NME7: variants seen among roughly 807,000 people sequenced by gnomAD.
NME7 encodes nucleoside diphosphate kinase 7.
In NME7, 41 loss-of-function variants were observed where a neutral mutation model predicts 49.1. The ratio of observed to expected loss-of-function variants is 0.83; its 90% confidence interval spans 0.65 to 1.08. The LOEUF (loss-of-function observed/expected upper bound fraction) is 1.08. Ranked by LOEUF, NME7 falls within the 50% of genes least tolerant of loss-of-function variation. NME7 has a pLI of 0.00. For synonymous variants in NME7, 139 were observed against 150.6 expected (o/e 0.92, Z 0.56); for missense variants, 423 against 463.4 (o/e 0.91, Z 0.80).
In NME7 at chr1:169,348,321, A is replaced by G. The variant is rs573257750; in HGVS notation, c.3+19387T>C. ...TTTCCTGATTAAGTTTTTAAAAATA[A>G]GTCAAAGGATATTTTGGTAAAGTAA... On this transcript the variant is annotated intron_variant, in intron 1 of 11. Transcript: ENST00000367811. Among the ~76,000 whole-genome samples the G allele has an allele frequency of 2.0e-5, 3 of 151,824 alleles. No individual in the cohort carries two copies. The South Asian group carries it at 6.2e-4, about 32-fold the overall frequency.
At chr1:169,146,969 A>G (rs1478020417) in intron 11 of NME7, among the ~76,000 whole-genome samples, 14 of 152,196 alleles carry the variant, frequency 9.2e-5, no homozygotes, top group Admixed American at 9.2e-4. Flanking sequence ...TCATTCAACA[A>G]ATACTGACTA....
chr1:169,340,240 T>A (rs924130325), intron 1 of NME7, among the ~76,000 whole-genome samples: 9 of 152,178 alleles, frequency 5.9e-5, no homozygotes, highest in African/African-American at 2.2e-4. Context: ...GCTGTTCTTG[T>A]GATAGCGGGT....
chr1:169,162,397 G>GAA (rs535546551), intron 11 of NME7, among the ~76,000 whole-genome samples: 2,054 of 140,538 alleles, frequency 0.015, 39 homozygotes, highest in African/African-American at 0.048. Flanking sequence ...AGAACATTTA[G>GAA]AAAAAAAAAA....
chr1:169,347,318 C>T (rs1022903494), intron 1 of NME7, among the ~76,000 whole-genome samples: 1 of 152,182 alleles, frequency 6.6e-6, no homozygotes, highest in African/African-American at 2.4e-5. Flanking sequence ...AACAACTACA[C>T]TTGATCTGAG....
chr1:169,204,482 T>C (rs984544079), intron 10 of NME7, among the ~76,000 whole-genome samples: 1 of 151,754 alleles, frequency 6.6e-6, no homozygotes. Flanking sequence ...TCAAACTAAA[T>C]TACTCAGCCT....
chr1:169,226,981 T>C (rs991184159), intron 10 of NME7, among the ~76,000 whole-genome samples: 1 of 152,146 alleles, frequency 6.6e-6, no homozygotes, highest in Admixed American at 6.5e-5. Flanking sequence ...GTTTCAAGAT[T>C]GAGCTATCAT....
intron 10 of NME7, among the ~76,000 whole-genome samples, chr1:169,208,100 A>G (rs1660720793): frequency 6.6e-6 from 1 of 152,158 alleles, no homozygotes; most frequent in Non-Finnish European, 1.5e-5. Context: ...AGAGTCCTTT[A>G]GTACACAAAT....
chr1:169,158,542 T>C (rs1659149611), intron 11 of NME7, among the ~76,000 whole-genome samples: 1 of 152,106 alleles, frequency 6.6e-6, no homozygotes, highest in Admixed American at 6.5e-5. Flanking sequence ...ACTCTATAGA[T>C]ATAAGGAGCT....
chr1:169,147,653 A>C (rs915007263), intron 11 of NME7, among the ~76,000 whole-genome samples: 1 of 152,228 alleles, frequency 6.6e-6, no homozygotes, highest in Admixed American at 6.5e-5. Flanking sequence ...AATGCAAATA[A>C]ATTTAATAGC....
chr1:169,224,788 C>A (rs1647250344), intron 10 of NME7, among the ~76,000 whole-genome samples: 1 of 152,040 alleles, frequency 6.6e-6, no homozygotes, highest in Non-Finnish European at 1.5e-5. Flanking sequence ...CTGCTACATG[C>A]TAGAAATACT....
intron 6 of NME7, among the ~76,000 whole-genome samples, chr1:169,293,000 T>C (rs1650567861): frequency 6.6e-6 from 1 of 152,046 alleles, no homozygotes; most frequent in Non-Finnish European, 1.5e-5. Flanking sequence ...CTTTGGTAAA[T>C]TATAATCAGT....
Position 169,257,359 on chromosome 1 carries a change from C to G in NME7, c.755-19672G>C, listed in dbSNP as rs545615371. Among the ~76,000 whole-genome samples, 7 of 134,636 alleles carry G rather than the reference C, an allele frequency of 5.2e-5. 1 individual carries two copies. Among genetic ancestry groups the G allele is most frequent in the Admixed American group, 1.5e-4 (2 of 13,784 alleles). The allele number at this position is 134,636 out of a possible 152,430, so 88.3% of individuals were successfully genotyped here. A position where few individuals can be genotyped will look rare whatever the true frequency, so the allele number is the denominator to read the frequency against. On this transcript the variant is annotated intron_variant, in intron 7 of 11. Transcript: ENST00000367811. ...CTGTCCGGCATCCCTTTCTTTGACT[C>G]AGAAAGGGAACTCCCTGACCCCTTG...
At chr1:169,209,723 G>A (rs1165801314) in intron 10 of NME7, among the ~76,000 whole-genome samples, 2 of 152,050 alleles carry the variant, frequency 1.3e-5, no homozygotes, top group Non-Finnish European at 2.9e-5. Context: ...ATATAAACTA[G>A]TTAATGTGGC....
intron 10 of NME7, among the ~76,000 whole-genome samples, chr1:169,195,197 T>G (rs1488964562): frequency 6.6e-6 from 1 of 152,174 alleles, no homozygotes; most frequent in Non-Finnish European, 1.5e-5. Context: ...ATATGTCTTT[T>G]GGAAACAATA....
At chr1:169,307,950 G>C (rs751907527) in intron 4 of NME7, among the ~76,000 whole-genome samples, 1 of 151,292 alleles carries the variant, frequency 6.6e-6, no homozygotes, top group Non-Finnish European at 1.5e-5. Flanking sequence ...AACCTGGGAG[G>C]TGGAGGTTGC....
At chr1:169,293,247 T>G (rs758093883) in intron 6 of NME7, among the ~76,000 whole-genome samples, 8 of 150,560 alleles carry the variant, frequency 5.3e-5, no homozygotes, top group Non-Finnish European at 1.2e-4. Context: ...AGAGAACTAT[T>G]ATCACACCAA....
intron 4 of NME7, among the ~76,000 whole-genome samples, chr1:169,304,926 G>C (rs753794496): frequency 1.1e-4 from 16 of 152,156 alleles, no homozygotes; most frequent in African/African-American, 3.6e-4. Context: ...AACTTACATG[G>C]AGAGTAAATT....
chr1:169,243,398 A>T (rs1348611830), intron 7 of NME7, among the ~76,000 whole-genome samples: 1 of 152,220 alleles, frequency 6.6e-6, no homozygotes, highest in Admixed American at 6.5e-5. Context: ...AAATTTGGGG[A>T]AACAGCTAGT....
chr1:169,231,551 G>A (rs1418277862), intron 9 of NME7, among the ~76,000 whole-genome samples: 1 of 152,224 alleles, frequency 6.6e-6, no homozygotes, highest in Non-Finnish European at 1.5e-5. Flanking sequence ...AGGATCTGCA[G>A]AGGAGTTCCC....
Sources: gnomAD v4.1 joint callset for allele counts (sites outside exome capture counted in the v4.1 genomes callset) on GRCh38, gnomAD v4.1.1 for gene constraint, MANE v1.5 for transcripts, NCBI Gene and HGNC (gene_info 2026-07-23, HGNC 2026-07-21) for gene names.